The following OCRL variants were observed in gnomAD, a reference collection of about 807,000 sequenced individuals.
The protein encoded by OCRL is inositol polyphosphate 5-phosphatase OCRL.
In OCRL, 8 loss-of-function variants were observed where a neutral mutation model predicts 78.9. The ratio of observed to expected loss-of-function variants is 0.10; its 90% CI spans 0.06 to 0.18. OCRL has a LOEUF of 0.18. Ranked by LOEUF, OCRL falls within the 10% of genes least tolerant of loss-of-function variation. The pLI, the probability that OCRL is intolerant of heterozygous loss-of-function variation, is 1.00. For missense variants in OCRL, 454 were observed against 696.7 expected (o/e 0.65, Z 3.92); for synonymous variants, 240 against 235.4 (o/e 1.02, Z -0.18).
intron 4 of OCRL, among the ~76,000 whole-genome samples, chrX:129,556,427 G>A (rs959566290): frequency 2.7e-5 from 3 of 111,533 alleles, no homozygotes; most frequent in African/African-American, 9.8e-5. Context: ...TGCTGGGTTC[G>A]CTGTATGTGC....
At position 129,578,975 on chromosome X, in the gene OCRL, A is replaced by G. The variant is rs559872598; in HGVS notation, c.2115+2423A>G. 3.0e-4 allele frequency among the ~76,000 whole-genome samples: 33 copies of G among 111,683 alleles called. No homozygotes were observed. The South Asian group carries it at 0.012, about 40-fold the overall frequency. On this transcript the variant is annotated intron_variant, in intron 18 of 23. Coordinates refer to ENST00000371113, the MANE Select transcript of OCRL (RefSeq NM_000276.4). ...TATCTCATTGATGAGGAAATTATCT[A>G]TACAGGTTGATTATCCATTATCCAA... is the stretch of plus-strand genomic sequence containing the variant.
At chrX:129,583,378 G>A (rs757896940) in intron 18 of OCRL, among the ~76,000 whole-genome samples, 37 of 111,844 alleles carry the variant, frequency 3.3e-4, no homozygotes, top group East Asian at 2.0e-3. Context: ...ATTGTCTAAC[G>A]GAACATAGTG....
chrX:129,561,057 C>A (rs947774968), intron 9 of OCRL, 122 bp from the exon 10 acceptor site: 13 of 535,762 alleles, frequency 2.4e-5, no homozygotes, highest in African/African-American at 2.1e-4. Flanking sequence ...GTGAACAGAG[C>A]AGTTCTATAA....
In OCRL at chrX:129,560,626, A is replaced by G. The variant is rs964113908; in HGVS notation, c.799A>G (p.Asn267Asp). 3.4e-6 allele frequency: 4 copies of G among 1,187,105 alleles called. No homozygotes were observed. The Middle Eastern group carries it at 9.3e-4, about 277-fold the overall frequency. ...AGAACCTTGGCTGAACTGTGATCCC[A>G]ATCCTCCTGATATCTACTGCATTGG... Reference protein sequence around the residue: ...GLEPWLNCDPNPPDIYCIGFQ... With the variant: ...GLEPWLNCDPDPPDIYCIGFQ... The change falls in exon 9 of 24, where the codon AAT (asparagine) becomes GAT (aspartate). Residue 267 changes from asparagine to aspartate, a missense_variant. Transcript: ENST00000371113.
Position 129,589,000 on chromosome X carries a change from G to A in OCRL, c.2456G>A (p.Arg819Gln), listed in dbSNP as rs1312488743. ...TGTCTTGACTCTGCTTATGATCCCC[G>A]GATCTGCCGACAGGTGGGTTCTACT... ...QRCLDSAYDP[R>Q]ICRQVISQLP... The change falls in exon 22 of 24, where the codon CGG (arginine) becomes CAG (glutamine). Residue 819 changes from arginine to glutamine, a missense_variant. Coordinates refer to ENST00000371113, the MANE Select transcript of OCRL (RefSeq NM_000276.4). The A allele has an allele frequency of 9.9e-6, 12 of 1,211,435 alleles. No individual in the cohort carries two copies. The highest frequency in any genetic ancestry group is 3.0e-5 in the East Asian group (1 of 33,836).
In OCRL at chrX:129,590,351, A is replaced by C. The variant is rs1327192717; in HGVS notation, c.*81A>C. ...TCAGAATGATTTAAAAAGTCATGCC[A>C]CAGGAAGGGTCTATTGCAGAATTTC... On this transcript the variant is annotated 3_prime_UTR_variant, in exon 24 of 24. Transcript: ENST00000371113. 1.8e-6 allele frequency: 2 copies of C among 1,117,533 alleles called. No individual in the cohort carries two copies. The highest frequency in any genetic ancestry group is 4.4e-5 in the Admixed American group (2 of 45,547). 92.1% of individuals were successfully genotyped at this position (1,117,533 alleles called of 1,213,427 possible).
In OCRL at chrX:129,557,423, G is replaced by A; in HGVS notation, c.337G>A (p.Ala113Thr). The A allele has an allele frequency of 8.3e-7, 1 of 1,203,266 alleles. No individual in the cohort carries two copies. The highest frequency in any genetic ancestry group is 1.1e-6 in the Non-Finnish European group (1 of 888,159). The change falls in exon 5 of 24, where the codon GCT becomes ACT. Residue 113 changes from alanine to threonine, a missense_variant. Around this residue, in one of 2 missense-constraint regions of OCRL, gnomAD observed 177 missense variants for 179.6 expected, o/e 0.99. Transcript: ENST00000371113. ...HCLKFLSAVL[A>T]AQKAQSQLLV... is the part of the protein sequence containing the mutation. ...TTTGAAGTTCCTCTCAGCTGTCCTTGCTGCTCAGAAAGGTAACTAAAGACT... is the reference window on the plus strand; with the variant it reads ...TTTGAAGTTCCTCTCAGCTGTCCTTACTGCTCAGAAAGGTAACTAAAGACT...
intron 12 of OCRL, among the ~76,000 whole-genome samples, chrX:129,565,528 G>A (rs1251229708): frequency 8.9e-6 from 1 of 111,917 alleles, no homozygotes; most frequent in Non-Finnish European, 1.9e-5. Flanking sequence ...AATCCCATAC[G>A]TAATATTTCC....
At chrX:129,545,099 G>T in intron 3 of OCRL, 62 bp downstream of exon 3, 1 of 608,811 alleles carries the variant, frequency 1.6e-6, no homozygotes, top group Non-Finnish European at 2.8e-6. Flanking sequence ...ACTGCATTAT[G>T]TAATACCATA....
At chrX:129,569,655 A>G (rs1281992953) in intron 15 of OCRL, among the ~76,000 whole-genome samples, 1 of 110,145 alleles carries the variant, frequency 9.1e-6, no homozygotes, top group African/African-American at 3.3e-5. Flanking sequence ...AGCTTCCTAA[A>G]GTAGGTATGC....
intron 4 of OCRL, among the ~76,000 whole-genome samples, chrX:129,552,023 CT>C (rs1286984308): frequency 1.8e-5 from 2 of 111,508 alleles, no homozygotes; most frequent in Admixed American, 9.5e-5. Context: ...GAAAAACAGG[CT>C]AGGGGGCAGA....
At chrX:129,540,864 C>A in intron 2 of OCRL, 41 bp downstream of exon 2, 1 of 1,080,004 alleles carries the variant, frequency 9.3e-7, no homozygotes, top group Non-Finnish European at 1.3e-6. Context: ...GGGAGCCTGC[C>A]ATTACCTCCC....
At position 129,592,219 on chromosome X, in the gene OCRL, C is replaced by T. The variant is rs1190113506; in HGVS notation, c.*1949C>T. 3 of 113,847 alleles carry T rather than the reference C, an allele frequency of 2.6e-5. No individual in the cohort carries two copies. In the Admixed American group the frequency reaches 2.8e-4, roughly 11 times the overall value. 9.4% of individuals were successfully genotyped at this position (113,847 alleles called of 1,213,427 possible). ...AGATGTAGACCCAGACAGAAGAAAT[C>T]TGCTTCCCTACCATGGCTATTCCAG... On this transcript the variant is annotated 3_prime_UTR_variant, in exon 24 of 24. Transcript: ENST00000371113.
At position 129,582,113 on chromosome X, in the gene OCRL, C is replaced by G. The variant is rs1936451347; in HGVS notation, c.2116-2231C>G. ...CTCCATGCCCCCCACAAACAGATGACTAACTTCTTCCTAATATCAATTTGT... is the reference window on the plus strand; with the variant it reads ...CTCCATGCCCCCCACAAACAGATGAGTAACTTCTTCCTAATATCAATTTGT... On this transcript the variant is annotated intron_variant, in intron 18 of 23. Coordinates refer to ENST00000371113, the MANE Select transcript of OCRL (RefSeq NM_000276.4). Among the ~76,000 whole-genome samples the G allele has an allele frequency of 3.6e-5, 4 of 110,101 alleles. No homozygotes were observed. In the South Asian group the frequency reaches 1.5e-3, roughly 43 times the overall value.
At chrX:129,582,707 T>C (rs977822206) in intron 18 of OCRL, among the ~76,000 whole-genome samples, 5 of 112,106 alleles carry the variant, frequency 4.5e-5, no homozygotes, top group Admixed American at 3.8e-4. Context: ...TTCTAATTGC[T>C]TTATTTCATG....
chrX:129,567,902 CTTTTTTTTTT>C (rs56035022), intron 14 of OCRL, among the ~76,000 whole-genome samples: 2 of 91,427 alleles, frequency 2.2e-5, no homozygotes, highest in African/African-American at 8.1e-5. Flanking sequence ...TTAGTAGACC[CTTTTTTTTTT>C]TTTTTTTTTT....
chrX:129,557,782 A>G (rs1275928675), intron 5 of OCRL, 79 bp from the exon 6 acceptor site: 8 of 718,736 alleles, frequency 1.1e-5, no homozygotes, highest in Non-Finnish European at 1.6e-5. Context: ...AGGAATGTTG[A>G]AAGAATGGCT....
At position 129,558,726 on chromosome X, in the gene OCRL, C is replaced by T. The variant is rs756976827; in HGVS notation, c.533C>T (p.Pro178Leu). Residue 178 changes from proline to leucine, a missense_variant, in exon 7 of 24, where the codon CCA (proline) becomes CTA (leucine). Transcript: ENST00000371113. ...CCTACTGGGATTCATCGGGAACCCCCACCTCCACCCTTTTCAGTGAATAAA... is the reference window on the plus strand; with the variant it reads ...CCTACTGGGATTCATCGGGAACCCCTACCTCCACCCTTTTCAGTGAATAAA... ...NQPTGIHREPPPPPFSVNKML... is the reference protein window; with the variant it reads ...NQPTGIHREPLPPPFSVNKML... 8.3e-7 allele frequency: 1 copy of T among 1,211,905 alleles called. No homozygotes were observed. Among genetic ancestry groups the T allele is most frequent in the Non-Finnish European group, 1.1e-6 (1 of 895,199 alleles).
At chrX:129,586,921 C>A in intron 19 of OCRL, 81 bp from the exon 20 acceptor site, 1 of 652,612 alleles carries the variant, frequency 1.5e-6, no homozygotes, top group Non-Finnish European at 2.6e-6. Context: ...CCTGCATGAC[C>A]AGAATTTGAA....
Sources: allele counts gnomAD v4.1 joint callset (sites outside exome capture counted in the v4.1 genomes callset), GRCh38; gene constraint gnomAD v4.1.1; regional missense constraint gnomAD v4.1.1; transcripts MANE v1.5; gene names NCBI Gene and HGNC (gene_info 2026-07-23, HGNC 2026-07-21).